The following NDST1 variants were observed in gnomAD, a reference collection of about 807,000 sequenced individuals.
NDST1 encodes N-deacetylase and N-sulfotransferase 1.
NDST1 carries 35 observed loss-of-function variants against 92.8 expected under a neutral mutation model. The observed-to-expected ratio is 0.38, with a 90% confidence interval of 0.29 to 0.50. The LOEUF (loss-of-function observed/expected upper bound fraction) is 0.50. Among genes scored for constraint, NDST1 ranks in the 20% least tolerant of loss-of-function variants. The pLI is 0.94. For synonymous variants in NDST1, 493 were observed against 500.3 expected (o/e 0.99, Z 0.19); for missense variants, 822 against 1,182.7 (o/e 0.69, Z 4.47).
Position 150,553,333 on chromosome 5 carries a change from C to T in NDST1, c.*1C>T, listed in dbSNP as rs748839539. On this transcript the variant is annotated 3_prime_UTR_variant, in exon 15 of 15. Transcript: ENST00000261797. The surrounding 1 kb of genome is among the most constrained non-coding windows in gnomAD (Gnocchi z 4.2). The stretch of plus-strand genomic sequence containing the variant: ...AGAGGACCTCCAGAACACCAGGTAG[C>T]CGTGGCCACCACAGCCAGACTGAAC... 6.2e-7 allele frequency: 1 copy of T among 1,612,588 alleles called. No homozygotes were observed. Among genetic ancestry groups the T allele is most frequent in the Admixed American group, 1.7e-5 (1 of 59,984 alleles).
chr5:150,510,514 G>A (rs1459491510), intron 1 of NDST1, among the ~76,000 whole-genome samples: 1 of 150,600 alleles, frequency 6.6e-6, no homozygotes, highest in Non-Finnish European at 1.5e-5. Flanking sequence ...GGACTGTCCC[G>A]TCCTTGGGAC....
At chr5:150,544,841 C>T (rs1380036966) in intron 10 of NDST1, among the ~76,000 whole-genome samples, 1 of 152,126 alleles carries the variant, frequency 6.6e-6, no homozygotes, top group Non-Finnish European at 1.5e-5. Context: ...GAAGGTGTTC[C>T]CCCAGGTCAG....
At chr5:150,510,433 C>T (rs17726614) in intron 1 of NDST1, among the ~76,000 whole-genome samples, 5,444 of 152,264 alleles carry the variant, frequency 0.036, 413 homozygotes, top group Admixed American at 0.17. Context: ...AGATTTGTGG[C>T]CACTGCATAA....
intron 2 of NDST1, 52 bp from the exon 3 acceptor site, chr5:150,527,752 G>T: frequency 6.2e-7 from 1 of 1,607,136 alleles, no homozygotes. Context: ...GTGTCCTTTG[G>T]GGTTCTGGAT....
chr5:150,555,302 C>G lies in NDST1; in HGVS notation c.*1970C>G, dbSNP rs1356563900. ...CTCATTCCGAGGTCTGCGTTTGCATCCCTGTCGTGTTCTCCCTCGAGGGGT... is the reference window on the plus strand; with the variant it reads ...CTCATTCCGAGGTCTGCGTTTGCATGCCTGTCGTGTTCTCCCTCGAGGGGT... On this transcript the variant is annotated 3_prime_UTR_variant, in exon 15 of 15. Coordinates refer to ENST00000261797, the MANE Select transcript of NDST1 (RefSeq NM_001543.5). The G allele has an allele frequency of 1.3e-5, 2 of 152,964 alleles. No homozygotes were observed. Among genetic ancestry groups the G allele is most frequent in the Non-Finnish European group, 2.9e-5 (2 of 68,278 alleles). 9.5% of individuals were successfully genotyped at this position (152,964 alleles called of 1,614,324 possible).
At chr5:150,510,546 C>T (rs1753677547) in intron 1 of NDST1, among the ~76,000 whole-genome samples, 1 of 152,178 alleles carries the variant, frequency 6.6e-6, no homozygotes, top group South Asian at 2.1e-4. Flanking sequence ...AGGTGACCTG[C>T]CGTGTTCCCC....
At chr5:150,499,029 G>A (rs559613665) in intron 1 of NDST1, among the ~76,000 whole-genome samples, 1 of 152,164 alleles carries the variant, frequency 6.6e-6, no homozygotes, top group African/African-American at 2.4e-5. Flanking sequence ...CTCCATCCTT[G>A]CAGCCCAGCA....
rs1267005920 is a variant in NDST1, at chr5:150,557,338, T to A, written c.*4006T>A. 6.5e-6 allele frequency: 1 copy of A among 152,676 alleles called. No individual in the cohort carries two copies. Among genetic ancestry groups the A allele is most frequent in the Non-Finnish European group, 1.5e-5 (1 of 68,076 alleles). 9.5% of individuals were successfully genotyped at this position (152,676 alleles called of 1,614,324 possible). Reference sequence around the variant, plus strand: ...ACCAAACACATCATATGTCTCTCTCTTTCTATTTTGGGGTCCCAGGGTTTT... The same window carrying A: ...ACCAAACACATCATATGTCTCTCTCATTCTATTTTGGGGTCCCAGGGTTTT... On this transcript the variant is annotated 3_prime_UTR_variant, in exon 15 of 15. Transcript: ENST00000261797. The surrounding 1 kb of genome is among the most constrained non-coding windows in gnomAD (Gnocchi z 4.7).
rs149023857 is a variant in NDST1, at chr5:150,514,038, G to A, written c.-388+5812G>A. Among the ~76,000 whole-genome samples the A allele has an allele frequency of 2.4e-3, 373 of 152,324 alleles. 1 individual carries two copies. Among genetic ancestry groups the A allele is most frequent in the African/African-American group, 8.5e-3 (352 of 41,576 alleles). The stretch of plus-strand genomic sequence containing the variant: ...GGAGTGCAGTGGGAGCCTGGCTGAG[G>A]GCTGTGGGCCACTGGCCTTTGTGGC... On this transcript the variant is annotated intron_variant, in intron 1 of 14. Coordinates refer to ENST00000261797, the MANE Select transcript of NDST1 (RefSeq NM_001543.5).
At position 150,542,211 on chromosome 5, in the gene NDST1, C is replaced by G. The variant is rs1197121383; in HGVS notation, c.1846+545C>G. ...GGCCTGAACTCTGATCTCTGTGACCCTGAAACATATACTCTTAATTGCCAA... is the reference window on the plus strand; with the variant it reads ...GGCCTGAACTCTGATCTCTGTGACCGTGAAACATATACTCTTAATTGCCAA... On this transcript the variant is annotated intron_variant, in intron 9 of 14. Coordinates refer to ENST00000261797, the MANE Select transcript of NDST1 (RefSeq NM_001543.5). 3.9e-5 allele frequency among the ~76,000 whole-genome samples: 6 copies of G among 152,166 alleles called. 1 individual carries two copies. In the South Asian group the frequency reaches 1.2e-3, roughly 32 times the overall value.
At position 150,528,012 on chromosome 5, in the gene NDST1, C is replaced by T; in HGVS notation, c.722C>T (p.Ala241Val). The T allele has an allele frequency of 6.2e-7, 1 of 1,613,686 alleles. No individual in the cohort carries two copies. Among genetic ancestry groups the T allele is most frequent in the Non-Finnish European group, 8.5e-7 (1 of 1,179,826 alleles). Residue 241 changes from alanine (A) to valine (V), a missense_variant, in exon 3 of 15, where the codon GCC becomes GTC. Ala to Val is a moderately conservative substitution (Grantham distance 64). Coordinates refer to ENST00000261797, the MANE Select transcript of NDST1 (RefSeq NM_001543.5). The stretch of plus-strand genomic sequence containing the variant: ...TCCACCTATGAGCCAGTGCTGCTGG[C>T]CAAGACGCGCTCGTCTGAGTCCATC... ...NHSTYEPVLL[A>V]KTRSSESIPH...
Position 150,521,611 on chromosome 5 carries a change from G to A in NDST1, c.357G>A (p.Lys119=). Residue 119 remains lysine (K), a synonymous_variant, in exon 2 of 15, where the codon AAG becomes AAA. Coordinates refer to ENST00000261797, the MANE Select transcript of NDST1 (RefSeq NM_001543.5). This position sits in a 1 kb window ranked among gnomAD's most constrained non-coding sequence, Gnocchi z 5.9. ...ACCGCACAGAGATTGCGCCGGGCAA[G>A]GGTGACATGCCCACGCTCACTGACA... ...FKYRTEIAPG[K]GDMPTLTDKG... is the part of the protein sequence containing the mutation. 6.2e-7 allele frequency: 1 copy of A among 1,614,054 alleles called. No homozygotes were observed. The highest frequency in any genetic ancestry group is 1.3e-5 in the African/African-American group (1 of 75,048).
In NDST1 at chr5:150,520,966, A is replaced by C; in HGVS notation, c.-289A>C. 5 of 548,966 alleles carry C rather than the reference A, an allele frequency of 9.1e-6. No homozygotes were observed. Among genetic ancestry groups the C allele is most frequent in the Non-Finnish European group, 1.3e-5 (4 of 312,026 alleles). The allele number at this position is 548,966 out of a possible 1,614,324, so 34.0% of individuals were successfully genotyped here. On this transcript the variant is annotated 5_prime_UTR_variant, in exon 2 of 15. An upstream open reading frame in the 5' UTR loses its in-frame stop. Transcript: ENST00000261797. ...TGCCCTGCACCCCCAGAAGGCCCTG[A>C]CGCCCTGGGGCACTTCTGCTCTGCA... is the stretch of plus-strand genomic sequence containing the variant.
At chr5:150,536,639 C>T (rs1444100350) in intron 6 of NDST1, among the ~76,000 whole-genome samples, 2 of 151,950 alleles carry the variant, frequency 1.3e-5, no homozygotes, top group Non-Finnish European at 2.9e-5. Context: ...AATCTCAGCT[C>T]ACTGCAACCT....
chr5:150,526,158 G>A (rs909912890), intron 2 of NDST1, among the ~76,000 whole-genome samples: 1 of 152,134 alleles, frequency 6.6e-6, no homozygotes, highest in African/African-American at 2.4e-5. Context: ...TTCTTTAAAT[G>A]TTAGCTCAAA....
intron 1 of NDST1, among the ~76,000 whole-genome samples, chr5:150,500,714 G>A (rs1276133285): frequency 6.6e-6 from 1 of 152,276 alleles, no homozygotes; most frequent in Non-Finnish European, 1.5e-5. Context: ...CAGTGACCTG[G>A]CCACAGGCTG....
intron 11 of NDST1, among the ~76,000 whole-genome samples, chr5:150,546,139 A>T (rs1755473235): frequency 6.6e-6 from 1 of 151,986 alleles, no homozygotes; most frequent in Non-Finnish European, 1.5e-5. Context: ...CTGGTATTAC[A>T]GGTGTGCACC....
At position 150,539,327 on chromosome 5, in the gene NDST1, G is replaced by A. The variant is rs1219511787; in HGVS notation, c.1537G>A (p.Glu513Lys). ...GCTGGACAAGATCATCAACGGGGGC[G>A]AGCTCTTCCTCACCGTGCTCCTCAA... ...SELDKIINGG[E>K]LFLTVLLNPI... is the part of the protein sequence containing the mutation. The change falls in exon 7 of 15, where the codon GAG becomes AAG. Residue 513 changes from glutamate to lysine, a missense_variant. Coordinates refer to ENST00000261797, the MANE Select transcript of NDST1 (RefSeq NM_001543.5). The A allele has an allele frequency of 1.2e-6, 2 of 1,613,972 alleles. No homozygotes were observed. The highest frequency in any genetic ancestry group is 8.5e-7 in the Non-Finnish European group (1 of 1,180,044).
chr5:150,524,282 T>C (rs951925740), intron 2 of NDST1, among the ~76,000 whole-genome samples: 1 of 152,232 alleles, frequency 6.6e-6, no homozygotes, highest in African/African-American at 2.4e-5. Context: ...AGCCACTCAA[T>C]AGATGGTAGC....
Sources: gnomAD v4.1 joint callset for allele counts (sites outside exome capture counted in the v4.1 genomes callset) on GRCh38, gnomAD v4.1.1 for gene constraint, Gnocchi (gnomAD v3.1) non-coding constraint, MANE v1.5 for transcripts, NCBI Gene and HGNC (gene_info 2026-07-23, HGNC 2026-07-21) for gene names.